Variants in ANGPT1 observed in about 807,000 individuals in gnomAD.
The protein encoded by ANGPT1 is angiopoietin 1.
In ANGPT1, 17 loss-of-function variants were observed where a neutral mutation model predicts 62.2. The observed-to-expected ratio is 0.27, with a 90% CI of 0.19 to 0.41. The LOEUF (loss-of-function observed/expected upper bound fraction) is 0.41, where lower values mean the gene tolerates loss of function less well. Ranked by LOEUF, ANGPT1 falls within the 10% of genes least tolerant of loss-of-function variation. The pLI is 1.00. For missense variants in ANGPT1, 478 were observed against 594.9 expected (o/e 0.80, Z 2.04); for synonymous variants, 199 against 198.9 (o/e 1.00, Z 0.00).
At chr8:107,392,065 C>T (rs1209652691) in intron 1 of ANGPT1, among the ~76,000 whole-genome samples, 1 of 152,132 alleles carries the variant, frequency 6.6e-6, no homozygotes, top group African/African-American at 2.4e-5. Context: ...TAATCTCCTC[C>T]ATTCTGAAAC....
intron 1 of ANGPT1, among the ~76,000 whole-genome samples, chr8:107,420,895 G>T (rs999023801): frequency 7.2e-5 from 11 of 151,908 alleles, no homozygotes; most frequent in African/African-American, 2.7e-4. Flanking sequence ...ATCATCAAAA[G>T]AAATGATTTC....
At chr8:107,402,545 T>C (rs1817067146) in intron 1 of ANGPT1, among the ~76,000 whole-genome samples, 1 of 152,224 alleles carries the variant, frequency 6.6e-6, no homozygotes, top group Non-Finnish European at 1.5e-5. Context: ...GAGAGTTCTA[T>C]TAATTTTACA....
At chr8:107,349,161 G>GATAGATAT (rs1815878489) in intron 1 of ANGPT1, among the ~76,000 whole-genome samples, 2 of 151,862 alleles carry the variant, frequency 1.3e-5, no homozygotes, top group Admixed American at 6.6e-5. Flanking sequence ...TAGATAGATA[G>GATAGATAT]ATAGATCTAT....
intron 6 of ANGPT1, among the ~76,000 whole-genome samples, chr8:107,290,602 C>G (rs1361333630): frequency 6.6e-6 from 1 of 152,128 alleles, no homozygotes; most frequent in Non-Finnish European, 1.5e-5. Flanking sequence ...TGTGTTTTAA[C>G]CATCTTGTAA....
At position 107,349,781 on chromosome 8, in the gene ANGPT1, A is replaced by G. The variant is rs1239677465; in HGVS notation, c.298-2684T>C. Among the ~76,000 whole-genome samples the G allele has an allele frequency of 2.6e-5, 4 of 152,124 alleles. No individual in the cohort carries two copies. In the East Asian group the frequency reaches 5.8e-4, roughly 22 times the overall value. On this transcript the variant is annotated intron_variant, in intron 1 of 8. Coordinates refer to ENST00000517746, the MANE Select transcript of ANGPT1 (RefSeq NM_001146.5). ...CTAGCACTGATTTGTTATGCTATGC[A>G]TTTTATTATATAGCTCTTAAAGCTT...
chr8:107,385,485 C>A (rs373460552), intron 1 of ANGPT1, among the ~76,000 whole-genome samples: 1 of 151,980 alleles, frequency 6.6e-6, no homozygotes, highest in African/African-American at 2.4e-5. Context: ...GATTTTGTAT[C>A]CTGAAACTTT....
chr8:107,472,234 T>C (rs1812379557), intron 1 of ANGPT1, among the ~76,000 whole-genome samples: 2 of 152,050 alleles, frequency 1.3e-5, no homozygotes, highest in Admixed American at 1.3e-4. Flanking sequence ...TCTGTTGACA[T>C]TGACTTTGAT....
chr8:107,367,578 C>A (rs1217215098), intron 1 of ANGPT1, among the ~76,000 whole-genome samples: 2 of 152,160 alleles, frequency 1.3e-5, no homozygotes, highest in African/African-American at 2.4e-5. Context: ...TTTGATCACT[C>A]ACTCTGGGGA....
intron 6 of ANGPT1, among the ~76,000 whole-genome samples, chr8:107,291,906 G>A (rs569069181): frequency 2.5e-5 from 2 of 81,060 alleles, no homozygotes; most frequent in African/African-American, 9.5e-5. Context: ...GGGGGGGGGG[G>A]CTTGCCACTT....
intron 1 of ANGPT1, among the ~76,000 whole-genome samples, chr8:107,433,749 A>G (rs1417014137): frequency 1.3e-5 from 2 of 152,172 alleles, no homozygotes; most frequent in East Asian, 1.9e-4. Flanking sequence ...AAAAGTTTCA[A>G]TAGATATCTG....
chr8:107,446,895 CTAACATAAAA>C (rs1811638148), intron 1 of ANGPT1, among the ~76,000 whole-genome samples: 2 of 152,170 alleles, frequency 1.3e-5, no homozygotes, highest in Admixed American at 1.3e-4. Context: ...ATAGGCAATT[CTAACATAAAA>C]TAACGAAAAC....
intron 1 of ANGPT1, among the ~76,000 whole-genome samples, chr8:107,362,662 G>T (rs1253258951): frequency 2.0e-5 from 3 of 152,090 alleles, no homozygotes; most frequent in South Asian, 2.1e-4. Flanking sequence ...AAAGCCAAGG[G>T]TTCTCATGTC....
chr8:107,392,996 T>C (rs1366093168), intron 1 of ANGPT1, among the ~76,000 whole-genome samples: 3 of 152,170 alleles, frequency 2.0e-5, no homozygotes, highest in African/African-American at 4.8e-5. Flanking sequence ...TGGCAGCAGA[T>C]TCCATCTTTT....
intron 1 of ANGPT1, among the ~76,000 whole-genome samples, chr8:107,357,569 A>G (rs149304243): frequency 0.029 from 4,412 of 152,226 alleles, 125 homozygotes; most frequent in Non-Finnish European, 0.043. Flanking sequence ...TCTCCACCAG[A>G]TAATTCTTCT....
Position 107,249,897 on chromosome 8 carries a change from A to G in ANGPT1, c.*1958T>C, listed in dbSNP as rs1414660270. On this transcript the variant is annotated 3_prime_UTR_variant, in exon 9 of 9. Transcript: ENST00000517746. Reference sequence around the variant, plus strand: ...ACTCATTTTCTTTCCCTTAAATGAAAACAGTTGAGAAGTTTTTAGAAGGAG... The same window carrying G: ...ACTCATTTTCTTTCCCTTAAATGAAGACAGTTGAGAAGTTTTTAGAAGGAG... The G allele has an allele frequency of 6.6e-6, 1 of 152,580 alleles. No homozygotes were observed. Among genetic ancestry groups the G allele is most frequent in the African/African-American group, 2.4e-5 (1 of 41,448 alleles). 9.5% of individuals were successfully genotyped at this position (152,580 alleles called of 1,614,324 possible). A position where few individuals can be genotyped will look rare whatever the true frequency, so the allele number is the denominator to read the frequency against.
At chr8:107,483,026 T>TA (rs112238690) in intron 1 of ANGPT1, among the ~76,000 whole-genome samples, 11 of 151,540 alleles carry the variant, frequency 7.3e-5, no homozygotes, top group Admixed American at 2.0e-4. Flanking sequence ...TTTGAAACAT[T>TA]AAAAAAAAAC....
chr8:107,479,839 T>C (rs184835421), intron 1 of ANGPT1, among the ~76,000 whole-genome samples: 143 of 152,306 alleles, frequency 9.4e-4, no homozygotes, highest in Non-Finnish European at 1.2e-3. Flanking sequence ...ATGAAGCTTT[T>C]AAAAATACTA....
At chr8:107,385,653 A>G (rs1816718176) in intron 1 of ANGPT1, among the ~76,000 whole-genome samples, 1 of 151,772 alleles carries the variant, frequency 6.6e-6, no homozygotes, top group South Asian at 2.1e-4. Context: ...TCTGGCTAGG[A>G]CTTCTGGTAC....
chr8:107,458,844 A>C lies in ANGPT1; in HGVS notation c.297+38418T>G, dbSNP rs558961835. Among the ~76,000 whole-genome samples, 6 of 152,258 alleles carry C rather than the reference A, an allele frequency of 3.9e-5. No individual in the cohort carries two copies. The East Asian group carries it at 1.2e-3, about 29-fold the overall frequency. On this transcript the variant is annotated intron_variant, in intron 1 of 8. Coordinates refer to ENST00000517746, the MANE Select transcript of ANGPT1 (RefSeq NM_001146.5). The stretch of plus-strand genomic sequence containing the variant: ...CTCATTTAATCATTTCAATAACCCT[A>C]TCAAATAAATTCTATTATTCCTCCT...
Sources: gnomAD v4.1 joint callset for allele counts (sites outside exome capture counted in the v4.1 genomes callset) on GRCh38, gnomAD v4.1.1 for gene constraint, MANE v1.5 for transcripts, NCBI Gene and HGNC (gene_info 2026-07-23, HGNC 2026-07-21) for gene names.